The following CHD1L variants were observed in gnomAD, a reference collection of about 807,000 sequenced individuals.
CHD1L encodes the protein ATP-dependent chromatin remodeler CHD1L.
Under a neutral mutation model 115.9 loss-of-function variants are expected in CHD1L, and 118 were observed. The observed-to-expected ratio is 1.02, with a 90% CI of 0.88 to 1.19. The LOEUF is 1.19. Ranked by LOEUF, CHD1L falls within the 50% of genes most tolerant of loss-of-function variation. The pLI, the probability that CHD1L is intolerant of heterozygous loss-of-function variation, is 0.00. For missense variants in CHD1L, 1,179 were observed against 1,065.3 expected, an observed-to-expected ratio of 1.11 and a Z score of -1.49; for synonymous variants, 411 against 387.1, an observed-to-expected ratio of 1.06 and a Z score of -0.72.
chr1:147,237,785 G>C (rs1341080846), upstream of CHD1L, among the ~76,000 whole-genome samples: 1 of 152,204 alleles, frequency 6.6e-6, no homozygotes. Context: ...CATAAAGAAT[G>C]AAATTCTGGG....
At chr1:147,218,479 G>A in the CHD1L span, among the ~76,000 whole-genome samples, 9 of 151,706 alleles carry the variant, frequency 5.9e-5, no homozygotes, top group Admixed American at 1.3e-4. Context: ...CTCGTGATCC[G>A]CCCGCCTCAG....
rs782015121 is a variant in CHD1L at position 147,293,713 on chromosome 1, A to G, written c.2497A>G (p.Lys833Glu). ...GLKKIFLAAK[K>E]KKASVHLPRI... Reference sequence around the variant, plus strand: ...GAAGAAGATATTTTTAGCAGCAAAAAAGAAGAAAGGTAAGCTCTTCCACCT... The same window carrying G: ...GAAGAAGATATTTTTAGCAGCAAAAGAGAAGAAAGGTAAGCTCTTCCACCT... The change falls in exon 21 of 23, where the codon AAG becomes GAG. Residue 833 changes from lysine to glutamate, a missense_variant. By Grantham distance (56) the Lys-to-Glu change is moderately conservative (BLOSUM62 1). Transcript: ENST00000369258. 2 of 1,613,214 alleles carry G rather than the reference A, an allele frequency of 1.2e-6. No individual in the cohort carries two copies. The highest frequency in any genetic ancestry group is 1.7e-6 in the Non-Finnish European group (2 of 1,179,182).
At position 147,264,698 on chromosome 1, in the gene CHD1L, A is replaced by G. The variant is rs1553946804; in HGVS notation, c.739+114A>G. The G allele has an allele frequency of 6.5e-6, 7 of 1,070,832 alleles. No individual in the cohort carries two copies. The African/African-American group carries it at 1.1e-4, about 17-fold the overall frequency. The allele number at this position is 1,070,832 out of a possible 1,614,324, so 66.3% of individuals were successfully genotyped here. On this transcript the variant is annotated intron_variant, in intron 7 of 22. Transcript: ENST00000369258. ...AATTGATGACCAGAGGACACCTTCCAGGGAGACAGACCGCTGATATTAGGG... is the reference window on the plus strand; with the variant it reads ...AATTGATGACCAGAGGACACCTTCCGGGGAGACAGACCGCTGATATTAGGG...
the CHD1L span, chr1:147,178,479 T>C: frequency 0.15 from 243,319 of 1,610,312 alleles, 26,728 homozygotes; most frequent in East Asian, 0.61. Context: ...GGACTGCTGA[T>C]GGAATTGTCA....
chr1:147,293,161 A>T lies in CHD1L; in HGVS notation c.2392-447A>T, dbSNP rs139271082. 3.9e-5 allele frequency among the ~76,000 whole-genome samples: 6 copies of T among 152,158 alleles called. No individual in the cohort carries two copies. In the East Asian group the frequency reaches 1.2e-3, roughly 29 times the overall value. Reference sequence around the variant, plus strand: ...CCACTTAGGTTAGGATGGTTGAGAGATACTTGGCATTTTGTCCTCATGGGA... The same window carrying T: ...CCACTTAGGTTAGGATGGTTGAGAGTTACTTGGCATTTTGTCCTCATGGGA... On this transcript the variant is annotated intron_variant, in intron 20 of 22. Coordinates refer to ENST00000369258, the MANE Select transcript of CHD1L (RefSeq NM_004284.6).
At position 147,286,388 on chromosome 1, in the gene CHD1L, C is replaced by T. The variant is rs782001739; in HGVS notation, c.2109C>T (p.Ser703=). The change falls in exon 18 of 23, where the codon AGC becomes AGT. Residue 703 remains serine (S), a synonymous_variant. Transcript: ENST00000369258. ...EPEDLENGEE[S]SAELDYQDPD... ...AGGACCTTGAGAATGGGGAAGAGAG[C>T]TCTGCTGAGCTGGATTACCAAGACC... 4.3e-6 allele frequency: 7 copies of T among 1,614,128 alleles called. No individual in the cohort carries two copies. The South Asian group carries it at 4.4e-5, about 10-fold the overall frequency.
In CHD1L at chr1:147,295,491, A is replaced by G. The variant is rs782073446; in HGVS notation, c.2676A>G (p.Ser892=). Residue 892 remains serine (S), a synonymous_variant, in exon 23 of 23, where the codon TCA becomes TCG. Coordinates refer to ENST00000369258, the MANE Select transcript of CHD1L (RefSeq NM_004284.6). ...VLHSQSSSSS[S]RQLVP is the part of the protein sequence containing the mutation. ...ATTCACAGTCTTCATCTTCCTCCTC[A>G]AGACAGCTGGTGCCTTAAGAATTGG... 13 of 1,610,234 alleles carry G rather than the reference A, an allele frequency of 8.1e-6. No individual in the cohort carries two copies. Among genetic ancestry groups the G allele is most frequent in the Non-Finnish European group, 1.1e-5 (13 of 1,177,936 alleles).
In CHD1L at chr1:147,255,804, T is replaced by C. The variant is rs782461767; in HGVS notation, c.348-9T>C. On this transcript the variant is annotated splice_polypyrimidine_tract_variant and intron_variant, in intron 3 of 22. Transcript: ENST00000369258. ...ATTTATGTTTATCTACTTCTTTTCT[T>C]GGATTCAGATTTGCTCCAGGTCTTT... 1.3e-6 allele frequency: 2 copies of C among 1,588,690 alleles called. No individual in the cohort carries two copies. Among genetic ancestry groups the C allele is most frequent in the South Asian group, 2.2e-5 (2 of 89,850 alleles).
At chr1:147,190,662 AGAAT>A in the CHD1L span, among the ~76,000 whole-genome samples, 4 of 151,978 alleles carry the variant, frequency 2.6e-5, no homozygotes, top group South Asian at 8.3e-4. Flanking sequence ...CAACAGAAAG[AGAAT>A]GAAGTAAAAA....
chr1:147,252,084 C>T (rs72691021), intron 1 of CHD1L, among the ~76,000 whole-genome samples: 3,639 of 152,276 alleles, frequency 0.024, 69 homozygotes, highest in South Asian at 0.095. Flanking sequence ...ATTAATTTCA[C>T]ACGTTTTCTG....
chr1:147,262,910 G>A (rs782150180), intron 6 of CHD1L, among the ~76,000 whole-genome samples: 9 of 151,950 alleles, frequency 5.9e-5, no homozygotes, highest in Non-Finnish European at 1.2e-4. Flanking sequence ...ATGGTTTAAT[G>A]GTGTATGTGC....
chr1:147,229,511 T>C, the CHD1L span, among the ~76,000 whole-genome samples: 1 of 152,214 alleles, frequency 6.6e-6, no homozygotes, highest in Non-Finnish European at 1.5e-5. Context: ...TGGTTCCATA[T>C]GAACTTTAAA....
chr1:147,266,031 A>G lies in CHD1L; in HGVS notation c.839A>G (p.His280Arg). ...AAGAAGACAGAAGTAGTGATATACC[A>G]TGGCATGTCAGCATTGCAGAAGAAA... ...LPKKTEVVIYHGMSALQKKYY... is the reference protein window; with the variant it reads ...LPKKTEVVIYRGMSALQKKYY... The change falls in exon 8 of 23, where the codon CAT becomes CGT. Residue 280 changes from histidine to arginine, a missense_variant. By Grantham distance (29) the His-to-Arg change is conservative. Coordinates refer to ENST00000369258, the MANE Select transcript of CHD1L (RefSeq NM_004284.6). 1 of 1,613,870 alleles carries G rather than the reference A, an allele frequency of 6.2e-7. No individual in the cohort carries two copies. The highest frequency in any genetic ancestry group is 1.3e-5 in the African/African-American group (1 of 75,038).
chr1:147,187,290 C>T, the CHD1L span: 4 of 1,431,716 alleles, frequency 2.8e-6, no homozygotes, highest in Admixed American at 4.2e-5. Context: ...ATAATTCAAT[C>T]AGTCAGTCAA....
Position 147,294,409 on chromosome 1 carries a change from C to T in CHD1L, c.2507C>T (p.Ala836Val). The change falls in exon 22 of 23, where the codon GCA becomes GTA. Residue 836 changes from alanine to valine, a missense_variant and splice_region_variant. Ala to Val is a moderately conservative substitution (Grantham distance 64). Transcript: ENST00000369258. ...ACATGTGTTCTTCTCTTCATAATAGCAAGTGTTCATCTTCCACGTATTGGA... is the reference window on the plus strand; with the variant it reads ...ACATGTGTTCTTCTCTTCATAATAGTAAGTGTTCATCTTCCACGTATTGGA... ...KIFLAAKKKK[A>V]SVHLPRIGHA... 2 of 1,607,324 alleles carry T rather than the reference C, an allele frequency of 1.2e-6. No homozygotes were observed. The highest frequency in any genetic ancestry group is 1.7e-6 in the Non-Finnish European group (2 of 1,176,474).
chr1:147,252,489 C>A, intron 1 of CHD1L, 134 bp from the exon 2 acceptor site: 1 of 614,366 alleles, frequency 1.6e-6, no homozygotes, highest in Non-Finnish European at 2.8e-6. Flanking sequence ...CATAACTCCT[C>A]AGCAAAAGAT....
chr1:147,226,938 C>T, the CHD1L span, among the ~76,000 whole-genome samples: 20 of 151,538 alleles, frequency 1.3e-4, no homozygotes, highest in Admixed American at 1.2e-3. Context: ...GCTCAATCTA[C>T]CCTCCCACCT....
intron 8 of CHD1L, among the ~76,000 whole-genome samples, chr1:147,267,035 A>AGAGT (rs1288999529): frequency 6.6e-6 from 1 of 152,208 alleles, no homozygotes; most frequent in Non-Finnish European, 1.5e-5. Context: ...TGTATTTAAG[A>AGAGT]GAGTGCAAAA....
At chr1:147,211,751 A>C in the CHD1L span, among the ~76,000 whole-genome samples, 8,494 of 152,278 alleles carry the variant, frequency 0.056, 265 homozygotes, top group African/African-American at 0.092. Context: ...ACAAAAACCA[A>C]AACAAACAAA....
Sources: gnomAD v4.1 joint callset for allele counts (sites outside exome capture counted in the v4.1 genomes callset) on GRCh38, gnomAD v4.1.1 for gene constraint, MANE v1.5 for transcripts, NCBI Gene and HGNC (gene_info 2026-07-23, HGNC 2026-07-21) for gene names.